The following CYP2C8 variants were observed in gnomAD, a reference collection of about 807,000 sequenced individuals.
The protein encoded by CYP2C8 is cytochrome P450 family 2 subfamily C member 8.
CYP2C8 carries 51 observed loss-of-function variants against 41.3 expected under a neutral mutation model. The ratio of observed to expected loss-of-function variants is 1.24; its 90% CI spans 0.99 to 1.56. The LOEUF is 1.56. Among genes scored for constraint, CYP2C8 ranks in the 40% most tolerant of loss-of-function variants. CYP2C8 has a pLI of 0.00. For missense variants in CYP2C8, 651 were observed against 579.9 expected, an observed-to-expected ratio of 1.12 and a Z score of -1.26; for synonymous variants, 218 against 205.8, an observed-to-expected ratio of 1.06 and a Z score of -0.51.
intron 6 of CYP2C8, 98 bp downstream of exon 6, chr10:95,045,712 A>C: frequency 6.9e-7 from 1 of 1,447,872 alleles, no homozygotes. Flanking sequence ...AGAAATTTAA[A>C]GAATGAGCCT....
intron 4 of CYP2C8, among the ~76,000 whole-genome samples, chr10:95,061,077 A>T (rs2033417638): frequency 1.3e-5 from 2 of 152,312 alleles, no homozygotes; most frequent in South Asian, 2.1e-4. Context: ...ATTGATGTTC[A>T]TCAGGGATAT....
rs1037636118 is a variant in CYP2C8 at position 95,068,597 on chromosome 10, C to G, written c.168+638G>C. ...GAAATTTCTAATCACACACACTTCC[C>G]TTCACCTTCAGTCAAAAATCATAGC... is the stretch of plus-strand genomic sequence containing the variant. On this transcript the variant is annotated intron_variant, in intron 1 of 8. Coordinates refer to ENST00000371270, the MANE Select transcript of CYP2C8 (RefSeq NM_000770.3). 1.4e-5 allele frequency: 18 copies of G among 1,288,890 alleles called. No homozygotes were observed. The African/African-American group carries it at 2.6e-4, about 18-fold the overall frequency. The allele number at this position is 1,288,890 out of a possible 1,614,324, so 79.8% of individuals were successfully genotyped here.
At chr10:95,065,377 A>G (rs1032504600) in intron 3 of CYP2C8, among the ~76,000 whole-genome samples, 1 of 152,228 alleles carries the variant, frequency 6.6e-6, no homozygotes, top group Admixed American at 6.5e-5. Context: ...CATATAGCTG[A>G]AAGTATAATG....
At position 95,063,097 on chromosome 10, in the gene CYP2C8, G is replaced by C. The variant is rs375188746; in HGVS notation, c.642+1703C>G. Among the ~76,000 whole-genome samples the C allele has an allele frequency of 2.0e-3, 298 of 152,252 alleles. 4 individuals are homozygous for C. The highest frequency in any genetic ancestry group is 0.019 in the South Asian group (91 of 4,808). On this transcript the variant is annotated intron_variant, in intron 4 of 8. Transcript: ENST00000371270. Reference sequence around the variant, plus strand: ...TTTTTTCCTTCATTTCAACTTTGGTGAATCTGACAATTATGTGTCTTGGAG... The same window carrying C: ...TTTTTTCCTTCATTTCAACTTTGGTCAATCTGACAATTATGTGTCTTGGAG...
chr10:95,062,731 A>T (rs2033465724), intron 4 of CYP2C8, among the ~76,000 whole-genome samples: 1 of 152,156 alleles, frequency 6.6e-6, no homozygotes, highest in Admixed American at 6.5e-5. Context: ...GTTTCTTCCG[A>T]GCCTTGATGG....
In CYP2C8 at chr10:95,067,306, A is replaced by C; in HGVS notation, c.383T>G (p.Leu128Arg). The change falls in exon 3 of 9, where the codon CTC becomes CGC. Residue 128 changes from leucine (L) to arginine (R), a missense_variant. Transcript: ENST00000371270. ...KRWKEIRRFS[L>R]TTLRNFGMGK... is the part of the protein sequence containing the mutation. ...CATCCCAAAATTCCGCAAGGTTGTG[A>C]GGGAGAAACGCCGGATCTCCTTCCA... The C allele has an allele frequency of 3.7e-6, 6 of 1,614,162 alleles. No individual in the cohort carries two copies. The highest frequency in any genetic ancestry group is 5.1e-6 in the Non-Finnish European group (6 of 1,180,024).
chr10:95,066,139 A>T (rs1414909987), intron 3 of CYP2C8, among the ~76,000 whole-genome samples: 64 of 109,882 alleles, frequency 5.8e-4, no homozygotes, highest in African/African-American at 2.5e-3. Context: ...AGAGAGAGAG[A>T]GAGAGAGAGA....
chr10:95,060,528 T>C (rs925477191), intron 4 of CYP2C8, among the ~76,000 whole-genome samples: 1 of 152,224 alleles, frequency 6.6e-6, no homozygotes, highest in Admixed American at 6.5e-5. Flanking sequence ...GCTTATCAGC[T>C]TAAGGAGATT....
At chr10:95,063,347 C>G (rs1589447043) in intron 4 of CYP2C8, among the ~76,000 whole-genome samples, 1 of 152,124 alleles carries the variant, frequency 6.6e-6, no homozygotes, top group South Asian at 2.1e-4. Context: ...TCTTTTTATT[C>G]TTTTTTCTCC....
chr10:95,064,657 C>A, intron 4 of CYP2C8, 143 bp downstream of exon 4: 1 of 821,250 alleles, frequency 1.2e-6, no homozygotes, highest in Admixed American at 2.6e-5. Flanking sequence ...AACAGGAAAT[C>A]AAAGGTGGTA....
intron 6 of CYP2C8, among the ~76,000 whole-genome samples, chr10:95,043,924 T>C (rs964938151): frequency 3.9e-5 from 6 of 152,038 alleles, no homozygotes; most frequent in Non-Finnish European, 8.8e-5. Flanking sequence ...GGTTCTTTAG[T>C]TAAATCACAA....
intron 4 of CYP2C8, among the ~76,000 whole-genome samples, chr10:95,060,670 C>T (rs2033408914): frequency 6.6e-6 from 1 of 152,174 alleles, no homozygotes; most frequent in African/African-American, 2.4e-5. Context: ...GCCAGAACCT[C>T]CAACACTATG....
At chr10:95,064,552 G>A (rs2033517459) in intron 4 of CYP2C8, among the ~76,000 whole-genome samples, 2 of 152,170 alleles carry the variant, frequency 1.3e-5, no homozygotes, top group South Asian at 2.1e-4. Context: ...GCTAGGAAAG[G>A]GAATTCCCTG....
chr10:95,055,487 C>T (rs537696816), intron 5 of CYP2C8, among the ~76,000 whole-genome samples: 25 of 151,992 alleles, frequency 1.6e-4, no homozygotes, highest in Non-Finnish European at 2.5e-4. Context: ...TGAAAGTGAA[C>T]GAAAAACTTA....
chr10:95,046,908 T>C (rs1308191592), intron 5 of CYP2C8, among the ~76,000 whole-genome samples: 1 of 152,188 alleles, frequency 6.6e-6, no homozygotes, highest in Non-Finnish European at 1.5e-5. Context: ...AATATTTATC[T>C]CTCCCAAATC....
chr10:95,038,553 T>C (rs2032931204), intron 8 of CYP2C8, among the ~76,000 whole-genome samples: 1 of 152,208 alleles, frequency 6.6e-6, no homozygotes, highest in Non-Finnish European at 1.5e-5. Flanking sequence ...AGTTGTGGAC[T>C]TAGATACATT....
At position 95,042,958 on chromosome 10, in the gene CYP2C8, G is replaced by A. The variant is rs45438799; in HGVS notation, c.1081C>T (p.Leu361Phe). Residue 361 changes from leucine to phenylalanine, a missense_variant, in exon 7 of 9, where the codon CTT becomes TTT. Transcript: ENST00000371270. The stretch of plus-strand genomic sequence containing the variant: ...GCATGGGGCACACCGGTGGGGACAA[G>A]GTCACTGTATCTCTGGATCTCGTGC... ...VVHEIQRYSD[L>F]VPTGVPHAVT... The A allele has an allele frequency of 8.9e-5, 143 of 1,614,190 alleles. No individual in the cohort carries two copies. The highest frequency in any genetic ancestry group is 1.6e-4 in the Middle Eastern group (1 of 6,062).
chr10:95,046,118 A>T (rs574825170), intron 5 of CYP2C8, among the ~76,000 whole-genome samples, 167 bp from the exon 6 acceptor site: 5 of 152,338 alleles, frequency 3.3e-5, no homozygotes, highest in East Asian at 1.9e-4. Context: ...AGATCAGTTG[A>T]CTCAAACTTT....
intron 4 of CYP2C8, among the ~76,000 whole-genome samples, chr10:95,061,735 G>A (rs919767122): frequency 6.6e-6 from 1 of 152,140 alleles, no homozygotes. Context: ...TGATGTTAGG[G>A]TGTCAATTTT....
Sources: gnomAD v4.1 joint callset for allele counts (sites outside exome capture counted in the v4.1 genomes callset) on GRCh38, gnomAD v4.1.1 for gene constraint, MANE v1.5 for transcripts, NCBI Gene and HGNC (gene_info 2026-07-23, HGNC 2026-07-21) for gene names.